Variants in RBM34 observed in about 807,000 individuals in gnomAD.
RBM34 encodes the protein RNA binding motif protein 34, also known as RNA-binding protein 34.
Under a neutral mutation model 44.6 loss-of-function variants are expected in RBM34, and 39 were observed. That is an observed-to-expected ratio of 0.87 (90% confidence interval 0.68 to 1.14). RBM34 has a LOEUF of 1.14. RBM34 is among the 50% of genes most tolerant of loss of function. The pLI is 0.00. For missense variants in RBM34, 572 were observed against 517.9 expected, an observed-to-expected ratio of 1.10 and a Z score of -1.01; for synonymous variants, 194 against 184.0, an observed-to-expected ratio of 1.05 and a Z score of -0.44.
chr1:235,146,665 G>T (rs1661921908), intron 6 of RBM34, among the ~76,000 whole-genome samples: 1 of 152,134 alleles, frequency 6.6e-6, no homozygotes, highest in Admixed American at 6.5e-5. Flanking sequence ...CTGTCACCAA[G>T]GCTGGAGTGC....
chr1:235,131,781 G>A lies in RBM34; in HGVS notation c.1225C>T (p.Leu409Phe), dbSNP rs763921760. The A allele has an allele frequency of 1.2e-6, 2 of 1,613,754 alleles. No individual in the cohort carries two copies. The highest frequency in any genetic ancestry group is 1.7e-6 in the Non-Finnish European group (2 of 1,179,898). Reference sequence around the variant, plus strand: ...TGTCCTTTCTTCTTCGTTTTAAGGAGAACAGCTTTTTCTCCAATAAATAAG... The same window carrying A: ...TGTCCTTTCTTCTTCGTTTTAAGGAAAACAGCTTTTTCTCCAATAAATAAG... Reference protein sequence around the residue: ...KSLFIGEKAVLLKTKKKGQKK... With the variant: ...KSLFIGEKAVFLKTKKKGQKK... The change falls in exon 11 of 11, where the codon CTC becomes TTC. Residue 409 changes from leucine to phenylalanine, a missense_variant. Physicochemically the swap from Leu to Phe is conservative, Grantham distance 22. Coordinates refer to ENST00000408888, the MANE Select transcript of RBM34 (RefSeq NM_015014.4).
chr1:235,152,583 A>G (rs1414941443), intron 5 of RBM34, 123 bp downstream of exon 5: 1 of 1,464,356 alleles, frequency 6.8e-7, no homozygotes, highest in Non-Finnish European at 9.0e-7. Flanking sequence ...TCTTGGGTTA[A>G]ATTTGAACCT....
At chr1:235,149,134 A>C (rs1487543071) in intron 5 of RBM34, among the ~76,000 whole-genome samples, 1 of 151,540 alleles carries the variant, frequency 6.6e-6, no homozygotes, top group Non-Finnish European at 1.5e-5. Context: ...CACACCTGTA[A>C]TCCCAGCACT....
At chr1:235,137,776 C>T in intron 8 of RBM34, 101 bp downstream of exon 8, 1 of 877,658 alleles carries the variant, frequency 1.1e-6, no homozygotes, top group South Asian at 1.8e-5. Flanking sequence ...TTCTGCGCTT[C>T]CCTCACATTG....
chr1:235,160,289 TG>T (rs1317871583), intron 3 of RBM34: 2 of 690,514 alleles, frequency 2.9e-6, no homozygotes, highest in South Asian at 3.0e-5. Flanking sequence ...GGTATATGAG[TG>T]GGGTAAAAAT....
At chr1:235,155,273 C>T (rs370022402) in intron 3 of RBM34, among the ~76,000 whole-genome samples, 161 bp from the exon 4 acceptor site, 4 of 151,956 alleles carry the variant, frequency 2.6e-5, no homozygotes, top group Non-Finnish European at 5.9e-5. Context: ...TTTAGAGCAG[C>T]GCTATCTAGA....
intron 8 of RBM34, among the ~76,000 whole-genome samples, chr1:235,136,438 CA>C (rs1279480599): frequency 2.0e-5 from 3 of 152,168 alleles, no homozygotes; most frequent in African/African-American, 7.2e-5. Context: ...ACCTTGAGAA[CA>C]GCCCTTGGAT....
intron 6 of RBM34, among the ~76,000 whole-genome samples, chr1:235,141,722 C>T (rs1018664610): frequency 1.3e-5 from 2 of 152,154 alleles, no homozygotes; most frequent in African/African-American, 4.8e-5. Flanking sequence ...CCAGCGAGAC[C>T]ACGAGGCCAC....
chr1:235,153,309 C>T (rs1003212380), intron 4 of RBM34, among the ~76,000 whole-genome samples: 10 of 151,794 alleles, frequency 6.6e-5, no homozygotes, highest in African/African-American at 2.4e-4. Context: ...TAGTATCCAT[C>T]GGATGTATGC....
At position 235,136,988 on chromosome 1, in the gene RBM34, C is replaced by CT. The variant is rs539345573; in HGVS notation, c.849+888dup. On this transcript the variant is annotated intron_variant, in intron 8 of 10. Coordinates refer to ENST00000408888, the MANE Select transcript of RBM34 (RefSeq NM_015014.4). ...GGTCTACATAAGCCTTCTCTTCTTTCTTTTTTCCCCCCGCTTCTCCACAGG... is the reference window on the plus strand; with the variant it reads ...GGTCTACATAAGCCTTCTCTTCTTTCTTTTTTTCCCCCCGCTTCTCCACAGG... Among the ~76,000 whole-genome samples, 8 of 152,266 alleles carry CT rather than the reference C, an allele frequency of 5.3e-5. No homozygotes were observed. The East Asian group carries it at 1.5e-3, about 29-fold the overall frequency.
At chr1:235,156,461 C>T (rs1572168994) in intron 3 of RBM34, 1 of 276,580 alleles carries the variant, frequency 3.6e-6, no homozygotes, top group Non-Finnish European at 7.5e-6. Flanking sequence ...CCTTTAGGGG[C>T]ACTATCACAC....
intron 5 of RBM34, among the ~76,000 whole-genome samples, chr1:235,149,376 G>A (rs1488933874): frequency 2.3e-5 from 3 of 130,916 alleles, no homozygotes; most frequent in East Asian, 2.2e-4. Context: ...GCGACAGAAC[G>A]AGACTCCGTC....
intron 3 of RBM34, among the ~76,000 whole-genome samples, chr1:235,159,412 T>G (rs1229981248): frequency 6.6e-6 from 1 of 151,440 alleles, no homozygotes; most frequent in Non-Finnish European, 1.5e-5. Context: ...CAGCTGGGTG[T>G]GATGGCGCGC....
intron 6 of RBM34, among the ~76,000 whole-genome samples, chr1:235,140,284 A>C (rs1661621513): frequency 6.6e-6 from 1 of 152,094 alleles, no homozygotes; most frequent in Admixed American, 6.5e-5. Flanking sequence ...GGAGGTGTGG[A>C]GGGAGAGGCG....
intron 5 of RBM34, among the ~76,000 whole-genome samples, chr1:235,150,769 G>A (rs1194832970): frequency 2.0e-5 from 3 of 152,322 alleles, no homozygotes; most frequent in East Asian, 3.9e-4. Flanking sequence ...TGGTGGAGGA[G>A]GCAAACGACA....
chr1:235,143,128 TAGTA>T (rs1661755151), intron 6 of RBM34, among the ~76,000 whole-genome samples: 1 of 152,106 alleles, frequency 6.6e-6, no homozygotes, highest in African/African-American at 2.4e-5. Flanking sequence ...TAGATACAAA[TAGTA>T]AGCACATAAG....
chr1:235,156,572 T>A (rs888273272), intron 3 of RBM34: 2 of 430,806 alleles, frequency 4.6e-6, no homozygotes, highest in African/African-American at 4.2e-5. Context: ...CTAATACTTC[T>A]GTAATATTTA....
intron 6 of RBM34, among the ~76,000 whole-genome samples, chr1:235,140,637 G>T (rs534232030): frequency 6.6e-6 from 1 of 152,184 alleles, no homozygotes; most frequent in East Asian, 1.9e-4. Context: ...CCTGCTCCAC[G>T]ACGCCCAGTC....
chr1:235,143,580 A>C (rs1402863961), intron 6 of RBM34, among the ~76,000 whole-genome samples: 1 of 152,310 alleles, frequency 6.6e-6, no homozygotes, highest in East Asian at 1.9e-4. Flanking sequence ...TACTAAAAGT[A>C]TGAAAAAATT....
Sources: gnomAD v4.1 joint callset for allele counts (sites outside exome capture counted in the v4.1 genomes callset) on GRCh38, gnomAD v4.1.1 for gene constraint, MANE v1.5 for transcripts, NCBI Gene and HGNC (gene_info 2026-07-23, HGNC 2026-07-21) for gene names.